Variants in LAYN observed in about 807,000 individuals in gnomAD.
The protein encoded by LAYN is layilin.
A neutral mutation model predicts 43.6 loss-of-function variants in LAYN; 38 were observed. The ratio of observed to expected loss-of-function variants is 0.87; its 90% CI spans 0.67 to 1.14. The LOEUF (loss-of-function observed/expected upper bound fraction) is 1.14. LAYN is among the 50% of genes most tolerant of loss of function. LAYN has a pLI of 0.00. For missense variants in LAYN, 479 were observed against 463.8 expected (o/e 1.03, Z -0.30); for synonymous variants, 168 against 172.9 (o/e 0.97, Z 0.22).
intron 6 of LAYN, among the ~76,000 whole-genome samples, chr11:111,559,050 T>G (rs570820945): frequency 1.1e-4 from 16 of 152,136 alleles, no homozygotes; most frequent in African/African-American, 3.6e-4. Flanking sequence ...CTGCCCTAAG[T>G]GCTAGGATTA....
chr11:111,541,218 G>A (rs77954926), intron 1 of LAYN: 14,501 of 592,408 alleles, frequency 0.024, 286 homozygotes, highest in African/African-American at 0.067. Context: ...AGGTGGGGCA[G>A]TGGGCAAACC....
Position 111,560,484 on chromosome 11 carries a change from AC to A in LAYN, c.*27del. ...GACATATAAAAAACTGAAACTGACA[AC>A]AATGGAAAAGAAATGATAAGCAAAA... On this transcript the variant is annotated 3_prime_UTR_variant, in exon 7 of 7. Coordinates refer to ENST00000375614, the MANE Select transcript of LAYN (RefSeq NM_178834.5). The A allele has an allele frequency of 6.3e-7, 1 of 1,581,268 alleles. No individual in the cohort carries two copies. The highest frequency in any genetic ancestry group is 1.4e-5 in the African/African-American group (1 of 73,336).
At chr11:111,541,141 G>T (rs1292581928) in intron 1 of LAYN, among the ~76,000 whole-genome samples, 1 of 152,240 alleles carries the variant, frequency 6.6e-6, no homozygotes, top group African/African-American at 2.4e-5. Flanking sequence ...AGTTCCCTGC[G>T]CGTCCTGGAA....
In LAYN at chr11:111,560,390, T is replaced by C; in HGVS notation, c.1057T>C (p.Phe353Leu). 6.2e-7 allele frequency: 1 copy of C among 1,614,098 alleles called. No homozygotes were observed. ...ATTTGTGACCAATGACATTTATGAG[T>C]TCTCCCCAGACCAAATGGGGAGGAG... Reference protein sequence around the residue: ...SGFVTNDIYEFSPDQMGRSKE... With the variant: ...SGFVTNDIYELSPDQMGRSKE... Residue 353 changes from phenylalanine (F) to leucine (L), a missense_variant, in exon 7 of 7, where the codon TTC becomes CTC. Phe to Leu is a conservative substitution (Grantham distance 22). Coordinates refer to ENST00000375614, the MANE Select transcript of LAYN (RefSeq NM_178834.5).
At chr11:111,555,869 G>A (rs1274987332) in intron 5 of LAYN, among the ~76,000 whole-genome samples, 1 of 152,144 alleles carries the variant, frequency 6.6e-6, no homozygotes, top group Non-Finnish European at 1.5e-5. Flanking sequence ...CATAATGGAA[G>A]TAATAATATT....
chr11:111,556,256 A>T (rs1028215328), intron 5 of LAYN, among the ~76,000 whole-genome samples: 5 of 152,196 alleles, frequency 3.3e-5, no homozygotes, highest in African/African-American at 7.2e-5. Context: ...TTTCCTTGTC[A>T]TCCCCCACCC....
chr11:111,544,269 A>G, intron 2 of LAYN, 49 bp downstream of exon 2: 1 of 1,552,878 alleles, frequency 6.4e-7, no homozygotes, highest in African/African-American at 1.4e-5. Flanking sequence ...ATAACTCAAA[A>G]AAGAGGCAGG....
At chr11:111,540,651 C>G (rs1017138041), upstream of LAYN, 1 of 544,738 alleles carries the variant, frequency 1.8e-6, no homozygotes, top group Admixed American at 4.1e-5. Flanking sequence ...CGGGGCTGCC[C>G]TCCTCGCAGT....
intron 3 of LAYN, among the ~76,000 whole-genome samples, chr11:111,553,026 A>C (rs1312287541): frequency 6.6e-6 from 1 of 152,128 alleles, no homozygotes; most frequent in South Asian, 2.1e-4. Flanking sequence ...AAACCAGAAT[A>C]ATAATAAGGC....
intron 6 of LAYN, among the ~76,000 whole-genome samples, chr11:111,559,567 TC>T (rs1324243754): frequency 1.3e-5 from 2 of 151,978 alleles, no homozygotes; most frequent in African/African-American, 4.8e-5. Context: ...CAGGTTATCC[TC>T]CCACCTCAGC....
chr11:111,550,784 T>G (rs1282556225), intron 3 of LAYN, among the ~76,000 whole-genome samples: 1 of 152,218 alleles, frequency 6.6e-6, no homozygotes, highest in Admixed American at 6.5e-5. Flanking sequence ...TGTTACATAC[T>G]GGCTTTCCAT....
intron 6 of LAYN, 99 bp downstream of exon 6, chr11:111,557,742 A>G (rs1295654239): frequency 2.1e-6 from 2 of 964,182 alleles, no homozygotes; most frequent in Non-Finnish European, 1.7e-6. Context: ...GGCAGCACCA[A>G]GAGTATCACC....
rs563598463 is a variant in LAYN at position 111,544,040 on chromosome 11, G to C, written c.203G>C (p.Gly68Ala). The C allele has an allele frequency of 6.2e-7, 1 of 1,614,196 alleles. No individual in the cohort carries two copies. Among genetic ancestry groups the C allele is most frequent in the East Asian group, 2.2e-5 (1 of 44,884 alleles). ...EAKEACRRDG[G>A]QLVSIESEDE... ...AAAGAAGCCTGCAGGAGGGATGGAG[G>C]CCAGCTAGTCAGCATCGAGTCTGAA... Residue 68 changes from glycine (G) to alanine (A), a missense_variant, in exon 2 of 7, where the codon GGC (glycine) becomes GCC (alanine). Gly to Ala is a moderately conservative substitution (Grantham distance 60). Coordinates refer to ENST00000375614, the MANE Select transcript of LAYN (RefSeq NM_178834.5).
At chr11:111,553,973 C>A (rs1424249202) in intron 3 of LAYN, among the ~76,000 whole-genome samples, 1 of 152,222 alleles carries the variant, frequency 6.6e-6, no homozygotes, top group Non-Finnish European at 1.5e-5. Context: ...ATTATCTGTA[C>A]AACCTGATAT....
intron 6 of LAYN, among the ~76,000 whole-genome samples, chr11:111,559,152 T>C (rs546628565): frequency 1.3e-5 from 2 of 152,340 alleles, no homozygotes; most frequent in South Asian, 2.1e-4. Context: ...CATACTGTTA[T>C]ATAGTTTAGC....
At position 111,544,052 on chromosome 11, in the gene LAYN, G is replaced by A; in HGVS notation, c.215G>A (p.Ser72Asn). The change falls in exon 2 of 7, where the codon AGC becomes AAC. Residue 72 changes from serine to asparagine, a missense_variant. Coordinates refer to ENST00000375614, the MANE Select transcript of LAYN (RefSeq NM_178834.5). ...AGGAGGGATGGAGGCCAGCTAGTCA[G>A]CATCGAGTCTGAAGATGAACAGAAA... ...ACRRDGGQLV[S>N]IESEDEQKLI... 6.2e-7 allele frequency: 1 copy of A among 1,614,182 alleles called. No individual in the cohort carries two copies. Among genetic ancestry groups the A allele is most frequent in the South Asian group, 1.1e-5 (1 of 91,068 alleles).
At position 111,560,584 on chromosome 11, in the gene LAYN, T is replaced by C. The variant is rs549113596; in HGVS notation, c.*126T>C. The C allele has an allele frequency of 1.8e-5, 20 of 1,098,148 alleles. No individual in the cohort carries two copies. Among genetic ancestry groups the C allele is most frequent in the Non-Finnish European group, 2.4e-5 (19 of 781,382 alleles). 68.0% of individuals were successfully genotyped at this position (1,098,148 alleles called of 1,614,324 possible). ...TTAGATCAGGTCCTGTGGATGAGCA[T>C]GTGGTCCCCACGACCTCCTGTTGGA... is the stretch of plus-strand genomic sequence containing the variant. On this transcript the variant is annotated 3_prime_UTR_variant, in exon 7 of 7. Transcript: ENST00000375614.
chr11:111,559,491 G>T (rs1028709278), intron 6 of LAYN, among the ~76,000 whole-genome samples: 8 of 151,712 alleles, frequency 5.3e-5, no homozygotes, highest in African/African-American at 1.7e-4. Context: ...TTGAGACAGG[G>T]TCTCACTCTG....
chr11:111,560,250 C>T lies in LAYN; in HGVS notation c.917C>T (p.Ser306Leu), dbSNP rs866324427. The T allele has an allele frequency of 6.2e-7, 1 of 1,614,200 alleles. No homozygotes were observed. Among genetic ancestry groups the T allele is most frequent in the South Asian group, 1.1e-5 (1 of 91,078 alleles). Reference sequence around the variant, plus strand: ...ACCCGGCCAGACCTGAAGAATATTTCATTCCGAGTGTGTTCGGGAGAAGCC... The same window carrying T: ...ACCCGGCCAGACCTGAAGAATATTTTATTCCGAGTGTGTTCGGGAGAAGCC... Reference protein sequence around the residue: ...AETRPDLKNISFRVCSGEATP... With the variant: ...AETRPDLKNILFRVCSGEATP... Residue 306 changes from serine to leucine, a missense_variant, in exon 7 of 7, where the codon TCA becomes TTA. Physicochemically the swap from Ser to Leu is moderately radical, Grantham distance 145 (BLOSUM62 -2). Transcript: ENST00000375614.
Sources: gnomAD v4.1 joint callset for allele counts (sites outside exome capture counted in the v4.1 genomes callset) on GRCh38, gnomAD v4.1.1 for gene constraint, MANE v1.5 for transcripts, NCBI Gene and HGNC (gene_info 2026-07-23, HGNC 2026-07-21) for gene names.